HLA-DPA1: variants seen among roughly 807,000 people sequenced by gnomAD.
HLA-DPA1 encodes major histocompatibility complex, class II, DP alpha 1.
In HLA-DPA1, 20 loss-of-function variants were observed where a neutral mutation model predicts 21.5. The observed-to-expected ratio is 0.93, with a 90% CI of 0.66 to 1.35. HLA-DPA1 has a LOEUF of 1.35. Among genes scored for constraint, HLA-DPA1 ranks in the 40% most tolerant of loss-of-function variants. The probability of loss-of-function intolerance (pLI) is 0.00; values close to 1 mark genes in which losing one functional copy is unlikely to be tolerated. For missense variants in HLA-DPA1, 279 were observed against 323.0 expected, an observed-to-expected ratio of 0.86 and a Z score of 1.05; for synonymous variants, 123 against 129.6, an observed-to-expected ratio of 0.95 and a Z score of 0.35.
rs182465667 is a variant in HLA-DPA1, at chr6:33,072,538, T to C, written c.100+933A>G. ...ATTATAACATAACATTAGAAATAAC[T>C]CAGGTGACCGCGAACAGGGCAATAG... is the stretch of plus-strand genomic sequence containing the variant. On this transcript the variant is annotated intron_variant, in intron 2 of 5. Coordinates refer to ENST00000419277, the Ensembl canonical transcript of HLA-DPA1. 4.7e-3 allele frequency among the ~76,000 whole-genome samples: 723 copies of C among 152,250 alleles called. 2 individuals are homozygous for C. The highest frequency in any genetic ancestry group is 0.017 in the African/African-American group (687 of 41,552).
exon 5 of HLA-DPA1, chr6:33,068,721 T>A (rs1272898838): frequency 6.2e-7 from 1 of 1,612,828 alleles, no homozygotes; most frequent in African/African-American, 1.3e-5. Context: ...GTGCCCACGA[T>A]GATGCCGACT....
chr6:33,080,719 A>G, upstream of HLA-DPA1: 1 of 1,613,534 alleles, frequency 6.2e-7, no homozygotes, highest in Non-Finnish European at 8.5e-7. The surrounding 1 kb of genome is among the most constrained non-coding windows in gnomAD (Gnocchi z 4.3). Flanking sequence ...GTTTAATGGG[A>G]CACAGCGCTT....
In HLA-DPA1 at chr6:33,076,130, G is replaced by A. The variant is rs755900839; in HGVS notation, c.-99-2461C>T. The A allele has an allele frequency of 3.7e-6, 6 of 1,609,232 alleles. No individual in the cohort carries two copies. In the South Asian group the frequency reaches 6.6e-5, roughly 18 times the overall value. ...CTGCTCACATCTGTGGTCCAGGGCA[G>A]GGCCACTCCAGGTAAGAGCCGAACT... is the stretch of plus-strand genomic sequence containing the variant. On this transcript the variant is annotated intron_variant, in intron 1 of 5. Transcript: ENST00000419277.
chr6:33,079,393 C>A, intron 1 of HLA-DPA1: 1 of 184,954 alleles, frequency 5.4e-6, no homozygotes. Context: ...AAAATTACAT[C>A]AATGCTGTCT....
intron 1 of HLA-DPA1, among the ~76,000 whole-genome samples, chr6:33,078,454 T>G (rs924673239): frequency 1.3e-5 from 2 of 152,004 alleles, no homozygotes; most frequent in Non-Finnish European, 2.9e-5. Flanking sequence ...GGCTATAGCT[T>G]AAAGAGGCTG....
At chr6:33,065,387 G>C (rs1239886317) in intron 5 of HLA-DPA1, 40 bp from the exon 5 acceptor site, 1 of 152,508 alleles carries the variant, frequency 6.6e-6, no homozygotes, top group Non-Finnish European at 1.5e-5. Context: ...CCTGGGTTCA[G>C]TACTGTAAGC....
rs377651915 is a variant in HLA-DPA1 at position 33,074,912 on chromosome 6, A to C, written c.-99-1243T>G. 1.9e-4 allele frequency among the ~76,000 whole-genome samples: 29 copies of C among 152,332 alleles called. No homozygotes were observed. The East Asian group carries it at 3.3e-3, about 17-fold the overall frequency. Reference sequence around the variant, plus strand: ...AATCCTACTAGACACCTTCTACTACATAATTATTTTCTTCTCTTGCATTTT... The same window carrying C: ...AATCCTACTAGACACCTTCTACTACCTAATTATTTTCTTCTCTTGCATTTT... On this transcript the variant is annotated intron_variant, in intron 1 of 5. Transcript: ENST00000419277.
rs1437398517 is a variant in HLA-DPA1, at chr6:33,080,521, G to A, written c.-100+159C>T. 4.4e-6 allele frequency: 5 copies of A among 1,128,242 alleles called. No individual in the cohort carries two copies. In the South Asian group the frequency reaches 6.7e-5, roughly 15 times the overall value. The allele number at this position is 1,128,242 out of a possible 1,614,324, so 69.9% of individuals were successfully genotyped here. ...TGGAGAGGCTCTGCGACCCGCTTAG[G>A]ACCACAGAACTCGGTACTAGGAAAA... On this transcript the variant is annotated intron_variant, in intron 1 of 5. Coordinates refer to ENST00000419277, the Ensembl canonical transcript of HLA-DPA1. This position sits in a 1 kb window ranked among gnomAD's most constrained non-coding sequence, Gnocchi z 4.3.
intron 1 of HLA-DPA1, chr6:33,076,091 C>T: frequency 6.2e-7 from 1 of 1,612,426 alleles, no homozygotes; most frequent in Non-Finnish European, 8.5e-7. Flanking sequence ...GCTCTGACGG[C>T]GTTACTGATG....
intron 1 of HLA-DPA1, chr6:33,075,788 T>G: frequency 2.0e-6 from 1 of 497,296 alleles, no homozygotes; most frequent in Non-Finnish European, 3.6e-6. Flanking sequence ...AGTATCACTG[T>G]CTTTCCTCCG....
chr6:33,068,858 C>A, intron 4 of HLA-DPA1, 54 bp from the exon 4 acceptor site: 1 of 1,588,690 alleles, frequency 6.3e-7, no homozygotes, highest in South Asian at 1.1e-5. Flanking sequence ...GTGGTGATGG[C>A]CTGGGATGGT....
intron 2 of HLA-DPA1, among the ~76,000 whole-genome samples, chr6:33,072,661 A>C (rs1008687511): frequency 1.3e-5 from 2 of 152,182 alleles, no homozygotes; most frequent in Non-Finnish European, 2.9e-5. Flanking sequence ...TATGGATTCT[A>C]ACCTTCCCCA....
At chr6:33,071,823 C>A (rs901162362) in intron 2 of HLA-DPA1, among the ~76,000 whole-genome samples, 1 of 152,054 alleles carries the variant, frequency 6.6e-6, no homozygotes, top group African/African-American at 2.4e-5. Flanking sequence ...GGGAAGACAG[C>A]CTGACCGGGA....
chr6:33,068,692 A>G (rs1305714890), exon 5 of HLA-DPA1: 1 of 1,612,910 alleles, frequency 6.2e-7, no homozygotes, highest in African/African-American at 1.3e-5. Flanking sequence ...CAGAACGCAG[A>G]GACTTTATGA....
intron 1 of HLA-DPA1, chr6:33,073,874 T>C (rs147041385): frequency 2.1e-4 from 66 of 317,022 alleles, no homozygotes; most frequent in African/African-American, 7.2e-4. Context: ...AAAGATAAGT[T>C]ACACCTTCTT....
exon 4 of HLA-DPA1, chr6:33,069,223 T>C (rs1562124241): frequency 1.2e-6 from 2 of 1,612,902 alleles, no homozygotes; most frequent in Non-Finnish European, 1.7e-6. Context: ...GGGAAGAACT[T>C]GTCAATGTGG....
In HLA-DPA1 at chr6:33,080,251, A is replaced by C; in HGVS notation, c.-100+429T>G. The C allele has an allele frequency of 2.8e-6, 1 of 363,392 alleles. No homozygotes were observed. Among genetic ancestry groups the C allele is most frequent in the South Asian group, 2.1e-5 (1 of 46,574 alleles). 22.5% of individuals were successfully genotyped at this position (363,392 alleles called of 1,614,324 possible). On this transcript the variant is annotated intron_variant, in intron 1 of 5. Coordinates refer to ENST00000419277, the Ensembl canonical transcript of HLA-DPA1. The surrounding 1 kb of genome is among the most constrained non-coding windows in gnomAD (Gnocchi z 4.3). Reference sequence around the variant, plus strand: ...GGAGGTGGCATTTGAACCAGGACTGACATCAGGATGGAAATGTCAGTCAGG... The same window carrying C: ...GGAGGTGGCATTTGAACCAGGACTGCCATCAGGATGGAAATGTCAGTCAGG...
chr6:33,079,881 G>T, intron 1 of HLA-DPA1: 2 of 287,042 alleles, frequency 7.0e-6, no homozygotes, highest in Non-Finnish European at 1.4e-5. Context: ...TCCACGTTTT[G>T]TGTGTAAATA....
chr6:33,068,392 T>G, intron 5 of HLA-DPA1: 1 of 427,068 alleles, frequency 2.3e-6, no homozygotes, highest in Non-Finnish European at 4.1e-6. Context: ...GTATCTCTCA[T>G]GTGAAATAGT....
Sources: gnomAD v4.1 joint callset for allele counts (sites outside exome capture counted in the v4.1 genomes callset) on GRCh38, gnomAD v4.1.1 for gene constraint, Gnocchi (gnomAD v3.1) non-coding constraint, MANE v1.5 for transcripts, NCBI Gene and HGNC (gene_info 2026-07-23, HGNC 2026-07-21) for gene names.